Variants in LRRC4C observed in about 807,000 individuals in gnomAD.
LRRC4C encodes leucine rich repeat containing 4C, also known as leucine-rich repeat-containing protein 4C.
A neutral mutation model predicts 33.6 loss-of-function variants in LRRC4C; 5 were observed. The ratio of observed to expected loss-of-function variants is 0.15; its 90% confidence interval spans 0.08 to 0.31. LRRC4C has a LOEUF of 0.31. LRRC4C is among the 10% of genes least tolerant of loss of function. LRRC4C has a pLI of 1.00. For missense variants in LRRC4C, 560 were observed against 796.7 expected, an observed-to-expected ratio of 0.70 and a Z score of 3.58; for synonymous variants, 329 against 302.0, an observed-to-expected ratio of 1.09 and a Z score of -0.93.
Position 40,754,768 on chromosome 11 carries a change from C to CT in LRRC4C, c.-406-106491dup, listed in dbSNP as rs200069889. ...CCTATTTTATTTTGTTTTAATTTTA[C>CT]TTTTTTTTTACTAAGTTAGCTAATG... On this transcript the variant is annotated intron_variant, in intron 2 of 6. Transcript: ENST00000528697. Among the ~76,000 whole-genome samples, 1,416 of 150,852 alleles carry CT rather than the reference C, an allele frequency of 9.4e-3. 22 individuals are homozygous for CT. The highest frequency in any genetic ancestry group is 0.032 in the African/African-American group (1,313 of 41,122).
chr11:40,623,810 C>A (rs1283624747), intron 3 of LRRC4C, among the ~76,000 whole-genome samples: 3 of 152,038 alleles, frequency 2.0e-5, no homozygotes, highest in Non-Finnish European at 4.4e-5. Context: ...TTAAGCGATT[C>A]TGTTTTCCAA....
chr11:40,395,918 C>T (rs564863658), intron 3 of LRRC4C, among the ~76,000 whole-genome samples: 17 of 152,114 alleles, frequency 1.1e-4, no homozygotes, highest in Non-Finnish European at 1.8e-4. Flanking sequence ...ACCTGGGAGT[C>T]GGAGGTTGCA....
chr11:40,409,475 T>A (rs948875651), intron 3 of LRRC4C, among the ~76,000 whole-genome samples: 2 of 151,880 alleles, frequency 1.3e-5, no homozygotes, highest in African/African-American at 4.8e-5. Context: ...GAAGAAAACA[T>A]TTGCAAACCA....
intron 6 of LRRC4C, among the ~76,000 whole-genome samples, chr11:40,117,954 TTAGA>T (rs527353144): frequency 4.6e-4 from 70 of 151,060 alleles, no homozygotes; most frequent in African/African-American, 1.6e-3. Flanking sequence ...TCAATAAATG[TTAGA>T]TATGATTATA....
At chr11:40,367,632 C>T (rs1948268338) in intron 3 of LRRC4C, among the ~76,000 whole-genome samples, 1 of 151,988 alleles carries the variant, frequency 6.6e-6, no homozygotes, top group South Asian at 2.1e-4. Context: ...GGGTGTCTTC[C>T]AAGTCATGGA....
intron 3 of LRRC4C, among the ~76,000 whole-genome samples, chr11:40,591,113 T>C (rs1959033498): frequency 6.6e-6 from 1 of 152,084 alleles, no homozygotes; most frequent in South Asian, 2.1e-4. Context: ...CAGGCTGCTG[T>C]GCTAGCAATC....
At chr11:40,662,433 T>C (rs774339017) in intron 2 of LRRC4C, among the ~76,000 whole-genome samples, 16 of 152,230 alleles carry the variant, frequency 1.1e-4, no homozygotes, top group Non-Finnish European at 1.9e-4. Context: ...GAAGACACAA[T>C]GAGAAAAGAC....
At chr11:40,433,189 A>G (rs1951003295) in intron 3 of LRRC4C, among the ~76,000 whole-genome samples, 1 of 152,204 alleles carries the variant, frequency 6.6e-6, no homozygotes, top group Non-Finnish European at 1.5e-5. Flanking sequence ...AAAGTTAACT[A>G]TAATTCAATA....
chr11:41,048,647 A>G (rs1857977574), intron 1 of LRRC4C, among the ~76,000 whole-genome samples: 1 of 152,092 alleles, frequency 6.6e-6, no homozygotes, highest in Non-Finnish European at 1.5e-5. Flanking sequence ...TCAATATGTT[A>G]TCTGGAAACA....
At chr11:40,327,661 AGCTAT>A (rs1946164088) in intron 3 of LRRC4C, among the ~76,000 whole-genome samples, 1 of 152,052 alleles carries the variant, frequency 6.6e-6, no homozygotes. Flanking sequence ...ACTGTGAATT[AGCTAT>A]GCACTGGGCC....
chr11:41,344,177 A>C (rs1241623040), intron 1 of LRRC4C, among the ~76,000 whole-genome samples: 1 of 150,726 alleles, frequency 6.6e-6, no homozygotes, highest in Non-Finnish European at 1.5e-5. Flanking sequence ...TCCAGAGCCC[A>C]GTGATTTTCC....
intron 3 of LRRC4C, among the ~76,000 whole-genome samples, chr11:40,371,006 T>A (rs190769557): frequency 1.2e-3 from 177 of 152,130 alleles, no homozygotes; most frequent in Middle Eastern, 0.01. Flanking sequence ...TTGATTTTTT[T>A]AAAAAAAATC....
At chr11:40,939,844 C>A (rs1056251607) in intron 1 of LRRC4C, among the ~76,000 whole-genome samples, 1 of 152,126 alleles carries the variant, frequency 6.6e-6, no homozygotes, top group Non-Finnish European at 1.5e-5. Flanking sequence ...TACCTGTCAT[C>A]AGATCATTTG....
At chr11:40,858,495 G>C (rs972277950) in intron 2 of LRRC4C, among the ~76,000 whole-genome samples, 2 of 151,884 alleles carry the variant, frequency 1.3e-5, no homozygotes, top group Non-Finnish European at 2.9e-5. Context: ...AGGAGTTCAA[G>C]ACCAGCCTGG....
At chr11:40,751,084 AG>A (rs201487198) in intron 2 of LRRC4C, among the ~76,000 whole-genome samples, 6,293 of 142,696 alleles carry the variant, frequency 0.044, 190 homozygotes, top group Admixed American at 0.069. Context: ...ATGAAAAAAA[AG>A]AATCTTAATC....
chr11:40,759,575 A>G (rs2137055940), intron 2 of LRRC4C, among the ~76,000 whole-genome samples: 1 of 150,912 alleles, frequency 6.6e-6, no homozygotes, highest in South Asian at 2.1e-4. Flanking sequence ...AATGGCAAAA[A>G]CCTCAGTTAC....
chr11:40,624,893 C>A (rs1962785099), intron 3 of LRRC4C, among the ~76,000 whole-genome samples: 2 of 151,952 alleles, frequency 1.3e-5, no homozygotes, highest in African/African-American at 4.8e-5. Flanking sequence ...TTAAAATAAG[C>A]CCTTTAAGGT....
intron 2 of LRRC4C, among the ~76,000 whole-genome samples, chr11:40,755,104 A>T (rs1591635054): frequency 6.6e-6 from 1 of 152,246 alleles, no homozygotes; most frequent in South Asian, 2.1e-4. Flanking sequence ...TGCATGATAA[A>T]GTTTAGCTCA....
At chr11:40,954,451 G>A (rs559370958) in intron 1 of LRRC4C, among the ~76,000 whole-genome samples, 2 of 151,906 alleles carry the variant, frequency 1.3e-5, no homozygotes, top group Admixed American at 6.6e-5. Context: ...CAATCATAAA[G>A]ACCAACCTGT....
Sources: gnomAD v4.1 joint callset for allele counts (sites outside exome capture counted in the v4.1 genomes callset) on GRCh38, gnomAD v4.1.1 for gene constraint, MANE v1.5 for transcripts, NCBI Gene and HGNC (gene_info 2026-07-23, HGNC 2026-07-21) for gene names.